JPH3: variants seen among roughly 807,000 people sequenced by gnomAD.
The protein encoded by JPH3 is junctophilin 3, also known as junctophilin-3.
Under a neutral mutation model 59.6 loss-of-function variants are expected in JPH3, and 11 were observed. The observed-to-expected ratio is 0.18, with a 90% confidence interval of 0.12 to 0.31. JPH3 has a LOEUF of 0.31. JPH3 is among the 10% of genes least tolerant of loss of function. The pLI is 1.00. For synonymous variants in JPH3, 673 were observed against 483.6 expected, an observed-to-expected ratio of 1.39 and a Z score of -5.14; for missense variants, 1,202 against 1,105.7, an observed-to-expected ratio of 1.09 and a Z score of -1.24.
At chr16:87,634,671 C>G (rs1210971624) in intron 1 of JPH3, among the ~76,000 whole-genome samples, 2 of 152,206 alleles carry the variant, frequency 1.3e-5, no homozygotes, top group African/African-American at 4.8e-5. Context: ...GGCCCGTGCC[C>G]ACCCATGGGA....
At chr16:87,684,611 T>C (rs1260959609) in intron 3 of JPH3, 1 of 275,046 alleles carries the variant, frequency 3.6e-6, no homozygotes, top group Non-Finnish European at 6.9e-6. Context: ...TAGAACCTTC[T>C]GGGATGATGG....
At position 87,689,099 on chromosome 16, in the gene JPH3, G is replaced by A. The variant is rs150750416; in HGVS notation, c.1286-547G>A. ...CCCCGCCCTAGGACTTGAAGCCCCA[G>A]CAGCCTCGAAAGGTGGGGAGGGAAG... is the stretch of plus-strand genomic sequence containing the variant. On this transcript the variant is annotated intron_variant, in intron 3 of 4. Coordinates refer to ENST00000284262, the MANE Select transcript of JPH3 (RefSeq NM_020655.4). Among the ~76,000 whole-genome samples the A allele has an allele frequency of 2.6e-5, 4 of 152,290 alleles. No individual in the cohort carries two copies. In the East Asian group the frequency reaches 7.7e-4, roughly 29 times the overall value.
At chr16:87,630,025 T>G (rs2031514008) in intron 1 of JPH3, among the ~76,000 whole-genome samples, 1 of 152,220 alleles carries the variant, frequency 6.6e-6, no homozygotes, top group African/African-American at 2.4e-5. Flanking sequence ...TGAACCCATG[T>G]GGAGAGTGGA....
At chr16:87,627,177 G>C (rs1229756364) in intron 1 of JPH3, among the ~76,000 whole-genome samples, 1 of 152,112 alleles carries the variant, frequency 6.6e-6, no homozygotes, top group Non-Finnish European at 1.5e-5. Flanking sequence ...CTTTGCCCTA[G>C]AGCCGTGGCT....
At chr16:87,631,476 A>C (rs55894748) in intron 1 of JPH3, among the ~76,000 whole-genome samples, 1 of 151,870 alleles carries the variant, frequency 6.6e-6, no homozygotes, top group African/African-American at 2.4e-5. Context: ...TCTGATTCTC[A>C]GTCCTTCATT....
chr16:87,630,503 C>T (rs1000460373), intron 1 of JPH3, among the ~76,000 whole-genome samples: 1 of 149,690 alleles, frequency 6.7e-6, no homozygotes, highest in African/African-American at 2.5e-5. Context: ...CACCCACACC[C>T]ACGTTGACAA....
At chr16:87,679,775 C>T (rs754246315) in intron 2 of JPH3, among the ~76,000 whole-genome samples, 1 of 152,240 alleles carries the variant, frequency 6.6e-6, no homozygotes, top group South Asian at 2.1e-4. Flanking sequence ...GCCGTGTCCT[C>T]TCTTACCCCA....
intron 2 of JPH3, chr16:87,683,917 T>C (rs2033354383): frequency 1.9e-6 from 1 of 538,888 alleles, no homozygotes; most frequent in Non-Finnish European, 3.3e-6. Flanking sequence ...AGAGGTGTTT[T>C]CAAGCATGTC....
chr16:87,663,823 T>A (rs183076266), intron 2 of JPH3, among the ~76,000 whole-genome samples: 6 of 152,352 alleles, frequency 3.9e-5, no homozygotes, highest in African/African-American at 1.4e-4. Context: ...CATGTGAAGC[T>A]GTGCTGCCGT....
intron 2 of JPH3, among the ~76,000 whole-genome samples, chr16:87,649,451 G>A (rs190278277): frequency 5.5e-4 from 84 of 152,314 alleles, no homozygotes; most frequent in African/African-American, 1.4e-3. Flanking sequence ...AGTCCTCCTC[G>A]AAGCCCGGGT....
At chr16:87,665,484 C>T (rs113814802) in intron 2 of JPH3, among the ~76,000 whole-genome samples, 4 of 152,350 alleles carry the variant, frequency 2.6e-5, no homozygotes, top group South Asian at 4.1e-4. Flanking sequence ...TTCTGGGACC[C>T]GAGCTCTGAG....
At chr16:87,667,770 C>T (rs1031341473) in intron 2 of JPH3, among the ~76,000 whole-genome samples, 1 of 152,222 alleles carries the variant, frequency 6.6e-6, no homozygotes, top group Non-Finnish European at 1.5e-5. Context: ...TTTGCTGGCC[C>T]TGTAGTCTAA....
chr16:87,620,392 A>C (rs1001684212), intron 1 of JPH3, among the ~76,000 whole-genome samples: 19 of 128,584 alleles, frequency 1.5e-4, no homozygotes, highest in African/African-American at 5.2e-4. Flanking sequence ...GGGAAGGAGC[A>C]TTTGAGCCTG....
chr16:87,602,144 C>A (rs1259458056), upstream of JPH3: 1 of 151,770 alleles, frequency 6.6e-6, no homozygotes, highest in East Asian at 2.0e-4. Flanking sequence ...GCTCTGCAGG[C>A]CTCACCGCCC....
chr16:87,613,342 G>A (rs555177596), intron 1 of JPH3, among the ~76,000 whole-genome samples: 40 of 151,416 alleles, frequency 2.6e-4, no homozygotes, highest in Middle Eastern at 3.4e-3. Flanking sequence ...CTCGTGAACC[G>A]CCCGCCTCGG....
At chr16:87,648,386 AC>A (rs1373417006) in intron 2 of JPH3, among the ~76,000 whole-genome samples, 1 of 152,156 alleles carries the variant, frequency 6.6e-6, no homozygotes, top group East Asian at 1.9e-4. Context: ...CTGAGGAGTG[AC>A]TGGCCCCGGG....
chr16:87,681,933 T>C (rs1597287616), intron 2 of JPH3, among the ~76,000 whole-genome samples: 2 of 152,156 alleles, frequency 1.3e-5, no homozygotes, highest in East Asian at 3.9e-4. Context: ...TCTTTAGTTT[T>C]GGGGCATCGC....
Position 87,644,608 on chromosome 16 carries a change from C to G in JPH3, c.733C>G (p.Arg245Gly). 6.2e-7 allele frequency: 1 copy of G among 1,612,778 alleles called. No homozygotes were observed. Among genetic ancestry groups the G allele is most frequent in the Non-Finnish European group, 8.5e-7 (1 of 1,179,888 alleles). Residue 245 changes from arginine (R) to glycine (G), a missense_variant, in exon 2 of 5, where the codon CGC becomes GGC. Transcript: ENST00000284262. ...CCAACGCAGCAAGCAGAGCTCCTTT[C>G]GCAGCGAGGCGGGCATGAGCACCGT... ...ASQRSKQSSF[R>G]SEAGMSTVSS...
intron 2 of JPH3, among the ~76,000 whole-genome samples, chr16:87,659,945 A>G (rs1281002916): frequency 6.6e-6 from 1 of 152,088 alleles, no homozygotes; most frequent in Non-Finnish European, 1.5e-5. Flanking sequence ...GAGGGATAGC[A>G]TGGCCCTGCT....
Sources: allele counts gnomAD v4.1 joint callset (sites outside exome capture counted in the v4.1 genomes callset), GRCh38; gene constraint gnomAD v4.1.1; transcripts MANE v1.5; gene names NCBI Gene and HGNC (gene_info 2026-07-23, HGNC 2026-07-21).